The following SAMD12 variants were observed in gnomAD, a reference collection of about 807,000 sequenced individuals.
The protein encoded by SAMD12 is sterile alpha motif domain-containing protein 12.
In SAMD12, 9 loss-of-function variants were observed where a neutral mutation model predicts 15.0. The ratio of observed to expected loss-of-function variants is 0.60; its 90% confidence interval spans 0.36 to 1.05. SAMD12 has a LOEUF of 1.05. SAMD12 is among the 50% of genes least tolerant of loss of function. SAMD12 has a pLI of 0.01. For synonymous variants in SAMD12, 86 were observed against 90.1 expected (o/e 0.96, Z 0.25); for missense variants, 230 against 234.2 (o/e 0.98, Z 0.12).
At chr8:118,239,593 T>G (rs964754686) in intron 4 of SAMD12, among the ~76,000 whole-genome samples, 1 of 152,150 alleles carries the variant, frequency 6.6e-6, no homozygotes, top group Admixed American at 6.5e-5. Flanking sequence ...CCAAAGACTT[T>G]CCATCATACT....
At chr8:118,161,561 TAA>T in the SAMD12 span, among the ~76,000 whole-genome samples, 2 of 126,758 alleles carry the variant, frequency 1.6e-5, no homozygotes, top group Admixed American at 8.1e-5. Context: ...TAAGACTGTC[TAA>T]AAAAAAAAAA....
intron 4 of SAMD12, among the ~76,000 whole-genome samples, chr8:118,224,928 A>G (rs989450875): frequency 7.2e-5 from 11 of 152,214 alleles, no homozygotes; most frequent in Non-Finnish European, 1.5e-4. Flanking sequence ...TATTTCTGGC[A>G]CTAAAAACGT....
chr8:118,253,738 G>A (rs1398464883), intron 4 of SAMD12, among the ~76,000 whole-genome samples: 1 of 152,124 alleles, frequency 6.6e-6, no homozygotes, highest in African/African-American at 2.4e-5. Flanking sequence ...CTTTAACCAA[G>A]GTCAGGTCCC....
intron 4 of SAMD12, among the ~76,000 whole-genome samples, chr8:118,250,680 T>G (rs79283837): frequency 6.6e-6 from 1 of 151,880 alleles, no homozygotes; most frequent in African/African-American, 2.4e-5. Context: ...TTATTTATTT[T>G]TTTTTATTTT....
the SAMD12 span, among the ~76,000 whole-genome samples, chr8:118,135,021 G>T: frequency 6.6e-6 from 1 of 152,154 alleles, no homozygotes; most frequent in Admixed American, 6.5e-5. Flanking sequence ...TGCTGCTGCT[G>T]GTCCAGAAAC....
At chr8:118,295,815 T>C (rs192561164) in intron 4 of SAMD12, 1 of 152,192 alleles carries the variant, frequency 6.6e-6, no homozygotes, top group East Asian at 1.9e-4. Context: ...ATCATGTTAA[T>C]TTTTTCTTTT....
chr8:118,546,193 C>T (rs1188535291), intron 2 of SAMD12, among the ~76,000 whole-genome samples: 1 of 152,096 alleles, frequency 6.6e-6, no homozygotes, highest in Non-Finnish European at 1.5e-5. Flanking sequence ...CTAAACCAAG[C>T]CTTAGGTGGT....
chr8:118,415,414 G>C (rs896935398), intron 3 of SAMD12, among the ~76,000 whole-genome samples: 1 of 149,326 alleles, frequency 6.7e-6, no homozygotes, highest in Non-Finnish European at 1.5e-5. Context: ...GAAAATGCCA[G>C]TGTAAAAAAA....
intron 2 of SAMD12, among the ~76,000 whole-genome samples, chr8:118,539,039 A>T (rs1186063230): frequency 6.6e-6 from 1 of 152,212 alleles, no homozygotes; most frequent in Non-Finnish European, 1.5e-5. Flanking sequence ...CTAGCAATTC[A>T]AGCCATCTCC....
intron 4 of SAMD12, among the ~76,000 whole-genome samples, chr8:118,315,065 A>G (rs55779460): frequency 0.14 from 21,178 of 152,138 alleles, 1,680 homozygotes; most frequent in African/African-American, 0.2. Context: ...GTTGATAACT[A>G]TGTTATCTCG....
the SAMD12 span, among the ~76,000 whole-genome samples, chr8:118,139,829 C>G: frequency 8.3e-4 from 127 of 152,340 alleles, no homozygotes; most frequent in African/African-American, 3.0e-3. Flanking sequence ...TCCGTTGGCT[C>G]TCATTCAAAC....
At chr8:118,576,183 C>T (rs1827146028) in intron 2 of SAMD12, among the ~76,000 whole-genome samples, 1 of 152,078 alleles carries the variant, frequency 6.6e-6, no homozygotes, top group Non-Finnish European at 1.5e-5. Flanking sequence ...TCCACATTGT[C>T]CAAAACAGCA....
At chr8:118,313,089 C>T (rs2130400765) in intron 4 of SAMD12, among the ~76,000 whole-genome samples, 1 of 152,234 alleles carries the variant, frequency 6.6e-6, no homozygotes, top group South Asian at 2.1e-4. Context: ...CATCAAGAGC[C>T]ACTGGTACAA....
At chr8:118,382,030 C>T (rs1426443387) in intron 3 of SAMD12, among the ~76,000 whole-genome samples, 1 of 152,196 alleles carries the variant, frequency 6.6e-6, no homozygotes, top group Non-Finnish European at 1.5e-5. Flanking sequence ...TGCTCACTGT[C>T]AGACCTTAGT....
chr8:118,218,088 G>A (rs73318034), intron 4 of SAMD12, among the ~76,000 whole-genome samples: 1,779 of 152,188 alleles, frequency 0.012, 32 homozygotes, highest in African/African-American at 0.041. Context: ...AAGTTGGTCT[G>A]TACTCAAGAA....
the SAMD12 span, among the ~76,000 whole-genome samples, chr8:118,161,737 T>C: frequency 6.6e-6 from 1 of 151,802 alleles, no homozygotes; most frequent in East Asian, 1.9e-4. Context: ...GTTATCAATA[T>C]GTTTAACAAA....
chr8:118,389,432 TCCCAGCATTTTGGGAGCCTACGCAG>T (rs901620505), intron 3 of SAMD12, among the ~76,000 whole-genome samples: 3 of 152,214 alleles, frequency 2.0e-5, no homozygotes, highest in African/African-American at 4.8e-5. Flanking sequence ...ATGCCTGTAA[TCCCAGCATTTTGGGAGCCTACGCAG>T]CCCAGCATTT....
chr8:118,446,208 CT>C (rs199946506), intron 2 of SAMD12, among the ~76,000 whole-genome samples: 2,122 of 134,726 alleles, frequency 0.016, 21 homozygotes, highest in South Asian at 0.044. Context: ...GTTGTAGTGT[CT>C]TTTTTTTTTT....
chr8:118,167,360 G>A, the SAMD12 span, among the ~76,000 whole-genome samples: 4 of 152,076 alleles, frequency 2.6e-5, no homozygotes, highest in African/African-American at 4.8e-5. Context: ...AATGCAGCCC[G>A]TATGCTCCTG....
Sources: gnomAD v4.1 joint callset for allele counts (sites outside exome capture counted in the v4.1 genomes callset) on GRCh38, gnomAD v4.1.1 for gene constraint, MANE v1.5 for transcripts, NCBI Gene and HGNC (gene_info 2026-07-23, HGNC 2026-07-21) for gene names.